RSRP1: variants seen among roughly 807,000 people sequenced by gnomAD.
RSRP1 encodes the protein arginine and serine rich protein 1, also known as arginine/serine-rich protein 1.
Under a neutral mutation model 33.0 loss-of-function variants are expected in RSRP1, and 37 were observed. That is an observed-to-expected ratio of 1.12 (90% CI 0.86 to 1.48). The LOEUF is 1.48. Ranked by LOEUF, RSRP1 falls within the 40% of genes most tolerant of loss-of-function variation. The probability of loss-of-function intolerance (pLI) is 0.00; values close to 1 mark genes in which losing one functional copy is unlikely to be tolerated. For synonymous variants in RSRP1, 167 were observed against 158.7 expected (o/e 1.05, Z -0.40); for missense variants, 402 against 385.3 (o/e 1.04, Z -0.36).
In RSRP1 at chr1:25,307,759, T is replaced by G. The variant is rs557755316; in HGVS notation, c.-67+30219A>C. ...AGGCGCTGCGGTTCCTACCGGTTCT[T>G]GGATGCCTTCTACAGAGACAACCAT... On this transcript the variant is annotated intron_variant, in intron 1 of 1. Coordinates refer to the RSRP1 transcript ENST00000561867. 85 of 1,306,336 alleles carry G rather than the reference T, an allele frequency of 6.5e-5. 21 individuals are homozygous for G. The highest frequency in any genetic ancestry group is 8.5e-5 in the Non-Finnish European group (81 of 948,336). The allele number at this position is 1,306,336 out of a possible 1,614,324, so 80.9% of individuals were successfully genotyped here.
chr1:25,302,184 T>C lies in RSRP1; in HGVS notation c.-67+35794A>G, dbSNP rs183898512. Reference sequence around the variant, plus strand: ...AAAGTGGGAATTAAGAGATGGTGCATGTAAAGTGCTTAACGGGGAGTAAAT... The same window carrying C: ...AAAGTGGGAATTAAGAGATGGTGCACGTAAAGTGCTTAACGGGGAGTAAAT... On this transcript the variant is annotated intron_variant, in intron 1 of 1. Transcript: ENST00000561867. Among the ~76,000 whole-genome samples the C allele has an allele frequency of 9.1e-5, 12 of 131,640 alleles. 2 individuals carry two copies. Among genetic ancestry groups the C allele is most frequent in the Non-Finnish European group, 2.0e-4 (11 of 55,744 alleles). 86.4% of individuals were successfully genotyped at this position (131,640 alleles called of 152,430 possible).
At chr1:25,338,223 C>T (rs1557581005), upstream of RSRP1, 1 of 152,218 alleles carries the variant, frequency 6.6e-6, no homozygotes, top group Non-Finnish European at 1.5e-5. Context: ...CCCCTGAACC[C>T]AGCGCCCGGG....
chr1:25,300,332 C>T (rs1324560526), intron 1 of RSRP1, among the ~76,000 whole-genome samples: 4 of 129,394 alleles, frequency 3.1e-5, no homozygotes, highest in South Asian at 4.7e-4. Flanking sequence ...AGCAACATAG[C>T]AAGATTCCAT....
At chr1:25,260,037 T>C (rs918359947) in intron 1 of RSRP1, among the ~76,000 whole-genome samples, 2 of 152,162 alleles carry the variant, frequency 1.3e-5, no homozygotes, top group African/African-American at 4.8e-5. Context: ...TCTATTGCTA[T>C]GTGTCACACT....
At chr1:25,300,107 A>C (rs185211506) in intron 1 of RSRP1, among the ~76,000 whole-genome samples, 2 of 131,310 alleles carry the variant, frequency 1.5e-5, no homozygotes, top group Admixed American at 7.4e-5. Context: ...ATGTTGCAAA[A>C]TTTATATCAC....
chr1:25,279,105 G>A (rs1452881456), intron 1 of RSRP1, among the ~76,000 whole-genome samples: 3 of 127,974 alleles, frequency 2.3e-5, no homozygotes, highest in East Asian at 3.9e-4. Flanking sequence ...AGCTGCCCAA[G>A]GGGATGGACT....
intron 1 of RSRP1, among the ~76,000 whole-genome samples, chr1:25,285,696 A>T (rs1368631858): frequency 7.4e-6 from 1 of 135,366 alleles, no homozygotes; most frequent in Non-Finnish European, 1.8e-5. Flanking sequence ...CTGGGTGATG[A>T]TTACACATCA....
chr1:25,276,532 TAAAAAAAAA>T (rs557746335), intron 1 of RSRP1, among the ~76,000 whole-genome samples: 1 of 64,784 alleles, frequency 1.5e-5, no homozygotes, highest in African/African-American at 7.2e-5. Context: ...CCCCCATCTC[TAAAAAAAAA>T]AAAAAAAAAA....
At position 25,330,764 on chromosome 1, in the gene RSRP1, A is replaced by C. The variant is rs1006850298; in HGVS notation, c.-67+7214T>G. The stretch of plus-strand genomic sequence containing the variant: ...CTTGGGCTACCATAACAGCAGCTTA[A>C]ACTGTTGTTTAGCCACTCAGACTTA... On this transcript the variant is annotated intron_variant, in intron 1 of 1. Coordinates refer to the RSRP1 transcript ENST00000561867. 2.3e-5 allele frequency among the ~76,000 whole-genome samples: 3 copies of C among 130,338 alleles called. 1 individual carries two copies. The highest frequency in any genetic ancestry group is 7.8e-5 in the African/African-American group (3 of 38,240). The allele number at this position is 130,338 out of a possible 152,430, so 85.5% of individuals were successfully genotyped here. A position where few individuals can be genotyped will look rare whatever the true frequency, so the allele number is the denominator to read the frequency against.
chr1:25,247,493 G>A (rs928060779), upstream of RSRP1: 2 of 152,770 alleles, frequency 1.3e-5, no homozygotes, highest in African/African-American at 4.8e-5. Context: ...AGTACCAGAA[G>A]CTGGCCCCCG....
chr1:25,283,011 C>T lies in RSRP1; in HGVS notation c.-66-35982G>A, dbSNP rs1166179813. 3.2e-4 allele frequency among the ~76,000 whole-genome samples: 43 copies of T among 133,038 alleles called. 7 individuals are homozygous for T. Among genetic ancestry groups the T allele is most frequent in the African/African-American group, 8.2e-4 (32 of 39,074 alleles). The allele number at this position is 133,038 out of a possible 152,430, so 87.3% of individuals were successfully genotyped here. ...TGACGGAAAAAAAATTCTTCAAGAT[C>T]TCTCTCTCTCCAGTCATTTATTCAT... On this transcript the variant is annotated intron_variant, in intron 1 of 1. Coordinates refer to the RSRP1 transcript ENST00000561867.
At chr1:25,331,901 G>A (rs1645019019) in intron 1 of RSRP1, among the ~76,000 whole-genome samples, 2 of 128,322 alleles carry the variant, frequency 1.6e-5, no homozygotes, top group Admixed American at 7.6e-5. Flanking sequence ...CACTACGCCC[G>A]GCTAACTTTT....
intron 1 of RSRP1, among the ~76,000 whole-genome samples, chr1:25,316,686 G>A (rs1303038522): frequency 8.0e-6 from 1 of 125,244 alleles, no homozygotes; most frequent in Admixed American, 7.8e-5. Flanking sequence ...ACTTGCCCAG[G>A]GTCTTGCAGC....
rs1207026181 is a variant in RSRP1 at position 25,306,497 on chromosome 1, C to T, written c.-67+31481G>A. 3.0e-5 allele frequency: 34 copies of T among 1,126,040 alleles called. 9 individuals carry two copies. Among genetic ancestry groups the T allele is most frequent in the Non-Finnish European group, 4.4e-5 (33 of 754,732 alleles). The allele number at this position is 1,126,040 out of a possible 1,614,324, so 69.8% of individuals were successfully genotyped here. A position where few individuals can be genotyped will look rare whatever the true frequency, so the allele number is the denominator to read the frequency against. Reference sequence around the variant, plus strand: ...CTTTGAGGTGAGCCTTAGTGCCCATCCCCCTTTGGTGGCCCCGGATACCAA... The same window carrying T: ...CTTTGAGGTGAGCCTTAGTGCCCATTCCCCTTTGGTGGCCCCGGATACCAA... On this transcript the variant is annotated intron_variant, in intron 1 of 1. Transcript: ENST00000561867.
At position 25,285,192 on chromosome 1, in the gene RSRP1, T is replaced by C. The variant is rs1641865121; in HGVS notation, c.-66-38163A>G. On this transcript the variant is annotated intron_variant, in intron 1 of 1. Transcript: ENST00000561867. ...TTTTGTTGCCCAGGCTGGAGTGCAA[T>C]GGCGCTATCTCGGCACACCACAACC... Among the ~76,000 whole-genome samples the C allele has an allele frequency of 1.5e-5, 2 of 131,264 alleles. 1 individual carries two copies. Among genetic ancestry groups the C allele is most frequent in the African/African-American group, 5.4e-5 (2 of 37,200 alleles). 86.1% of individuals were successfully genotyped at this position (131,264 alleles called of 152,430 possible).
intron 1 of RSRP1, among the ~76,000 whole-genome samples, chr1:25,282,848 T>C (rs1641618818): frequency 7.7e-6 from 1 of 129,140 alleles, no homozygotes; most frequent in Non-Finnish European, 1.8e-5. Flanking sequence ...CGAGCCGAGA[T>C]CGCACCACTG....
upstream of RSRP1, among the ~76,000 whole-genome samples, chr1:25,249,375 G>C (rs760596423): frequency 2.0e-5 from 3 of 151,992 alleles, no homozygotes; most frequent in Non-Finnish European, 4.4e-5. Context: ...TCTCGCTTTG[G>C]CGCCCAGGCT....
chr1:25,299,072 TAAAAAAAA>T (rs34867414), intron 1 of RSRP1, among the ~76,000 whole-genome samples: 1,313 of 40,884 alleles, frequency 0.032, 152 homozygotes, highest in African/African-American at 0.093. Flanking sequence ...CACATGGTGA[TAAAAAAAA>T]AAAAAAAAAA....
intron 1 of RSRP1, chr1:25,300,815 C>T: frequency 9.4e-7 from 1 of 1,058,518 alleles, no homozygotes; most frequent in East Asian, 2.3e-5. Context: ...GCTGGGTAAG[C>T]TCTGAACACC....
Sources: allele counts gnomAD v4.1 joint callset (sites outside exome capture counted in the v4.1 genomes callset), GRCh38; gene constraint gnomAD v4.1.1; transcripts MANE v1.5; gene names NCBI Gene and HGNC (gene_info 2026-07-23, HGNC 2026-07-21).